The following KRTAP10-7 variants were observed in gnomAD, a reference collection of about 807,000 sequenced individuals.
KRTAP10-7 encodes the protein keratin-associated protein 10-7.
For synonymous variants in KRTAP10-7, 162 were observed against 199.6 expected, an observed-to-expected ratio of 0.81 and a Z score of 1.59; for missense variants, 394 against 474.3, an observed-to-expected ratio of 0.83 and a Z score of 1.57.
rs781875068 is a variant in KRTAP10-7 at position 44,601,362 on chromosome 21, C to T, written c.741C>T (p.Ser247=). 126 of 1,612,024 alleles carry T rather than the reference C, an allele frequency of 7.8e-5. No homozygotes were observed. The East Asian group carries it at 2.4e-3, about 30-fold the overall frequency. ...GTGTGCCCACCTGCTCTGATGATTC[C>T]GGTTCATGCTGCCAGCCAGCTTGCT... is the stretch of plus-strand genomic sequence containing the variant. ...VCCVPTCSDD[S]GSCCQPACCT... is the part of the protein sequence containing the mutation. The change falls in exon 1 of 1, where the codon TCC becomes TCT. Residue 247 remains serine, a synonymous_variant. Coordinates refer to ENST00000609664, the MANE Select transcript of KRTAP10-7 (RefSeq NM_198689.3).
rs1980955224 is a variant in KRTAP10-7 at position 44,601,854 on chromosome 21, A to T, written c.*120A>T. ...AGCCCTGCAGTGGACGTCAGTGGTC[A>T]GCTGGCCATCCAGTGTGCGCTTCTC... is the stretch of plus-strand genomic sequence containing the variant. On this transcript the variant is annotated 3_prime_UTR_variant, in exon 1 of 1. Coordinates refer to ENST00000609664, the MANE Select transcript of KRTAP10-7 (RefSeq NM_198689.3). 1 of 1,374,502 alleles carries T rather than the reference A, an allele frequency of 7.3e-7. No homozygotes were observed. Among genetic ancestry groups the T allele is most frequent in the African/African-American group, 1.5e-5 (1 of 68,484 alleles). 85.1% of individuals were successfully genotyped at this position (1,374,502 alleles called of 1,614,324 possible). A position where few individuals can be genotyped will look rare whatever the true frequency, so the allele number is the denominator to read the frequency against.
At chr21:44,601,408 C>T in the KRTAP10-7 span, 2 of 1,612,684 alleles carry the variant, frequency 1.2e-6, no homozygotes, top group Non-Finnish European at 1.7e-6. Context: ...CCAAAGCCAG[C>T]AGGGCTGCTG....
In KRTAP10-7 at chr21:44,601,457, T is replaced by A. The variant is rs1189195171; in HGVS notation, c.836T>A (p.Val279Asp). The A allele has an allele frequency of 3.1e-6, 5 of 1,610,376 alleles. No individual in the cohort carries two copies. The highest frequency in any genetic ancestry group is 4.2e-6 in the Non-Finnish European group (5 of 1,178,808). The change falls in exon 1 of 1, where the codon GTC (valine) becomes GAC (aspartate). Residue 279 changes from valine (V) to aspartate (D), a missense_variant. Val to Asp is a radical substitution (Grantham distance 152). Transcript: ENST00000609664. The part of the protein sequence containing the change: ...VCCKPVCCVP[V>D]CSGASTSCCQ... ...TGTAAGCCTGTGTGCTGTGTGCCCG[T>A]CTGCTCTGGGGCTTCCACTTCATGC... is the stretch of plus-strand genomic sequence containing the variant.
Position 44,601,371 on chromosome 21 carries a change from C to T in KRTAP10-7, c.750C>T (p.Cys250=). 6.2e-7 allele frequency: 1 copy of T among 1,613,622 alleles called. No individual in the cohort carries two copies. The highest frequency in any genetic ancestry group is 2.2e-5 in the East Asian group (1 of 44,834). ...CCTGCTCTGATGATTCCGGTTCATG[C>T]TGCCAGCCAGCTTGCTGCACCTCCT... ...VPTCSDDSGS[C]CQPACCTSSQ... The change falls in exon 1 of 1, where the codon TGC becomes TGT. Residue 250 remains cysteine (C), a synonymous_variant. Transcript: ENST00000609664.
rs1980959067 is a variant in KRTAP10-7, at chr21:44,601,900, G to A, written c.*166G>A. The A allele has an allele frequency of 4.0e-6, 4 of 994,930 alleles. No homozygotes were observed. The highest frequency in any genetic ancestry group is 5.8e-5 in the Admixed American group (2 of 34,332). The allele number at this position is 994,930 out of a possible 1,614,324, so 61.6% of individuals were successfully genotyped here. A position where few individuals can be genotyped will look rare whatever the true frequency, so the allele number is the denominator to read the frequency against. On this transcript the variant is annotated 3_prime_UTR_variant, in exon 1 of 1. Transcript: ENST00000609664. ...TTCTCCTCCTAGAAGCAGCTCAGCT[G>A]TTTCTCCAAGTCTTGACTTTCCCCC...
At position 44,601,841 on chromosome 21, in the gene KRTAP10-7, G is replaced by C. The variant is rs1980952840; in HGVS notation, c.*107G>C. ...CATCCCGCTCCTAAGCCCTGCAGTG[G>C]ACGTCAGTGGTCAGCTGGCCATCCA... On this transcript the variant is annotated 3_prime_UTR_variant, in exon 1 of 1. Transcript: ENST00000609664. 6.9e-7 allele frequency: 1 copy of C among 1,441,562 alleles called. No homozygotes were observed. Among genetic ancestry groups the C allele is most frequent in the African/African-American group, 1.4e-5 (1 of 70,152 alleles). The allele number at this position is 1,441,562 out of a possible 1,614,324, so 89.3% of individuals were successfully genotyped here. A position where few individuals can be genotyped will look rare whatever the true frequency, so the allele number is the denominator to read the frequency against.
rs512214 is a variant in KRTAP10-7 at position 44,600,642 on chromosome 21, T to C, written c.21T>C (p.Ser7=). The C allele has an allele frequency of 3.0e-3, 4,827 of 1,612,616 alleles. 122 individuals carry two copies. The African/African-American group carries it at 0.056, about 19-fold the overall frequency. The part of the protein sequence containing the change: MAASTM[S]VCSSDLSYGS... ...CCAGCATGGCTGCGTCCACTATGTC[T>C]GTCTGCTCCAGCGACCTGAGCTACG... Residue 7 remains serine (S), a synonymous_variant, in exon 1 of 1, where the codon TCT becomes TCC. Coordinates refer to ENST00000609664, the MANE Select transcript of KRTAP10-7 (RefSeq NM_198689.3).
Position 44,600,726 on chromosome 21 carries a change from C to G in KRTAP10-7, c.105C>G (p.Asp35Glu), listed in dbSNP as rs373342166. 3.7e-6 allele frequency: 6 copies of G among 1,612,610 alleles called. No individual in the cohort carries two copies. The East Asian group carries it at 1.3e-4, about 36-fold the overall frequency. Residue 35 changes from aspartate to glutamate, a missense_variant, in exon 1 of 1, where the codon GAC (aspartate) becomes GAG (glutamate). Asp to Glu is a conservative substitution (Grantham distance 45). Coordinates refer to ENST00000609664, the MANE Select transcript of KRTAP10-7 (RefSeq NM_198689.3). The stretch of plus-strand genomic sequence containing the variant: ...CTTGCTCCGACTCCTGGCAGGTGGA[C>G]GACTGCCCAGAGAGCTGCTGCGAGC... ...CDSCSDSWQVDDCPESCCEPP... is the reference protein window; with the variant it reads ...CDSCSDSWQVEDCPESCCEPP...
Position 44,600,827 on chromosome 21 carries a change from G to T in KRTAP10-7, c.206G>T (p.Arg69Leu). The T allele has an allele frequency of 6.7e-7, 1 of 1,493,242 alleles. No individual in the cohort carries two copies. The allele number at this position is 1,493,242 out of a possible 1,614,324, so 92.5% of individuals were successfully genotyped here. The change falls in exon 1 of 1, where the codon CGA becomes CTA. Residue 69 changes from arginine (R) to leucine (L), a missense_variant. Arg to Leu is a moderately radical substitution (Grantham distance 102). Coordinates refer to ENST00000609664, the MANE Select transcript of KRTAP10-7 (RefSeq NM_198689.3). ...AGCTATGTGTCCAGCCCCTGCTGCC[G>T]AGTGACCTGTGAGCCCAGCCCCTGC... ...PVSYVSSPCC[R>L]VTCEPSPCQS...
rs782321681 is a variant in KRTAP10-7, at chr21:44,601,691, C to G, written c.1070C>G (p.Pro357Arg). 3.1e-6 allele frequency: 5 copies of G among 1,612,254 alleles called. No homozygotes were observed. The highest frequency in any genetic ancestry group is 4.2e-6 in the Non-Finnish European group (5 of 1,178,906). Residue 357 changes from proline (P) to arginine (R), a missense_variant, in exon 1 of 1, where the codon CCG becomes CGG. Physicochemically the swap from Pro to Arg is moderately radical, Grantham distance 103 (BLOSUM62 -2). Transcript: ENST00000609664. ...SLLCRPACSR[P>R]ACCGPTSTQK... Reference sequence around the variant, plus strand: ...CTTTGCCGCCCCGCATGCTCCCGCCCGGCCTGCTGTGGCCCCACCTCAACC... The same window carrying G: ...CTTTGCCGCCCCGCATGCTCCCGCCGGGCCTGCTGTGGCCCCACCTCAACC...
In KRTAP10-7 at chr21:44,601,725, C is replaced by G; in HGVS notation, c.1104C>G (p.Ser368=). 1 of 1,610,648 alleles carries G rather than the reference C, an allele frequency of 6.2e-7. No individual in the cohort carries two copies. Among genetic ancestry groups the G allele is most frequent in the Non-Finnish European group, 8.5e-7 (1 of 1,177,934 alleles). ...GTGGCCCCACCTCAACCCAGAAGTC[C>G]AGCTGCTGAGTGATCTCCTTAAGAT... ...ACCGPTSTQK[S]SC The change falls in exon 1 of 1, where the codon TCC becomes TCG. Residue 368 remains serine, a synonymous_variant. Coordinates refer to ENST00000609664, the MANE Select transcript of KRTAP10-7 (RefSeq NM_198689.3).
chr21:44,601,908 A>G lies in KRTAP10-7; in HGVS notation c.*174A>G. 1 of 954,036 alleles carries G rather than the reference A, an allele frequency of 1.0e-6. No homozygotes were observed. Among genetic ancestry groups the G allele is most frequent in the South Asian group, 1.8e-5 (1 of 55,680 alleles). The allele number at this position is 954,036 out of a possible 1,614,324, so 59.1% of individuals were successfully genotyped here. ...CTAGAAGCAGCTCAGCTGTTTCTCC[A>G]AGTCTTGACTTTCCCCCAATTACCC... On this transcript the variant is annotated 3_prime_UTR_variant, in exon 1 of 1. Coordinates refer to ENST00000609664, the MANE Select transcript of KRTAP10-7 (RefSeq NM_198689.3).
In KRTAP10-7 at chr21:44,601,016, A is replaced by T. The variant is rs781813292; in HGVS notation, c.395A>T (p.Asp132Val). Residue 132 changes from aspartate to valine, a missense_variant, in exon 1 of 1, where the codon GAT (aspartate) becomes GTT (valine). Coordinates refer to ENST00000609664, the MANE Select transcript of KRTAP10-7 (RefSeq NM_198689.3). ...TACTGTGTGCCTGTCTGCAGTGGGGATTCTTCATGCTGCCAGCAGTCTAGC... is the reference window on the plus strand; with the variant it reads ...TACTGTGTGCCTGTCTGCAGTGGGGTTTCTTCATGCTGCCAGCAGTCTAGC... ...PVYCVPVCSGDSSCCQQSSCQ... is the reference protein window; with the variant it reads ...PVYCVPVCSGVSSCCQQSSCQ... 3.1e-6 allele frequency: 5 copies of T among 1,605,386 alleles called. No homozygotes were observed. The highest frequency in any genetic ancestry group is 2.2e-5 in the South Asian group (2 of 90,710).
chr21:44,601,967 C>A lies in KRTAP10-7; in HGVS notation c.*233C>A. 1 of 657,418 alleles carries A rather than the reference C, an allele frequency of 1.5e-6. No individual in the cohort carries two copies. The highest frequency in any genetic ancestry group is 2.1e-5 in the South Asian group (1 of 48,524). 40.7% of individuals were successfully genotyped at this position (657,418 alleles called of 1,614,324 possible). ...TTCCCCAGCAACAGGTGGGCAGTGA[C>A]CCCAGCAAGGCCAGCGGGTGCTCCC... On this transcript the variant is annotated 3_prime_UTR_variant, in exon 1 of 1. Coordinates refer to ENST00000609664, the MANE Select transcript of KRTAP10-7 (RefSeq NM_198689.3).
Position 44,601,772 on chromosome 21 carries a change from C to T in KRTAP10-7, c.*38C>T, listed in dbSNP as rs1555928919. The T allele has an allele frequency of 6.3e-7, 1 of 1,581,028 alleles. No individual in the cohort carries two copies. Among genetic ancestry groups the T allele is most frequent in the South Asian group, 1.2e-5 (1 of 85,066 alleles). On this transcript the variant is annotated 3_prime_UTR_variant, in exon 1 of 1. Coordinates refer to ENST00000609664, the MANE Select transcript of KRTAP10-7 (RefSeq NM_198689.3). ...AGATCATCCAAAGCCTGAGTGCTCA[C>T]TGCCACCTGCACCCCTGGATTCTTT...
rs782421768 is a variant in KRTAP10-7, at chr21:44,601,441, G to A, written c.820G>A (p.Val274Met). 7.3e-5 allele frequency: 118 copies of A among 1,611,046 alleles called. 1 individual carries two copies. The East Asian group carries it at 2.6e-3, about 36-fold the overall frequency. Residue 274 changes from valine to methionine, a missense_variant, in exon 1 of 1, where the codon GTG (valine) becomes ATG (methionine). Transcript: ENST00000609664. ...CTGCGTGCCCGTCTGCTGTAAGCCT[G>A]TGTGCTGTGTGCCCGTCTGCTCTGG... ...GCCVPVCCKP[V>M]CCVPVCSGAS... is the part of the protein sequence containing the mutation.
chr21:44,601,903 T>G lies in KRTAP10-7; in HGVS notation c.*169T>G. The G allele has an allele frequency of 1.0e-6, 1 of 996,238 alleles. No homozygotes were observed. The highest frequency in any genetic ancestry group is 1.5e-6 in the Non-Finnish European group (1 of 686,764). The allele number at this position is 996,238 out of a possible 1,614,324, so 61.7% of individuals were successfully genotyped here. ...TCCTCCTAGAAGCAGCTCAGCTGTT[T>G]CTCCAAGTCTTGACTTTCCCCCAAT... On this transcript the variant is annotated 3_prime_UTR_variant, in exon 1 of 1. Transcript: ENST00000609664.
Position 44,601,609 on chromosome 21 carries a change from G to A in KRTAP10-7, c.988G>A (p.Ala330Thr), listed in dbSNP as rs369025844. ...CTGCGTGCCCGTCCCCTCCTGCTGC[G>A]CCCCCACCTCCTCCTGCCAGGCCAG... ...ACCVPVPSCC[A>T]PTSSCQASCC... The change falls in exon 1 of 1, where the codon GCC (alanine) becomes ACC (threonine). Residue 330 changes from alanine to threonine, a missense_variant. Ala to Thr is a moderately conservative substitution (Grantham distance 58). Coordinates refer to ENST00000609664, the MANE Select transcript of KRTAP10-7 (RefSeq NM_198689.3). 2.4e-5 allele frequency: 38 copies of A among 1,613,254 alleles called. No homozygotes were observed. In the Admixed American group the frequency reaches 3.0e-4, roughly 13 times the overall value.
chr21:44,601,281 C>T lies in KRTAP10-7; in HGVS notation c.660C>T (p.Thr220=), dbSNP rs781902497. 1.5e-5 allele frequency: 24 copies of T among 1,609,172 alleles called. No individual in the cohort carries two copies. The South Asian group carries it at 2.3e-4, about 16-fold the overall frequency. ...CTAGCTGCAAGCCGGCTTGCTGCAC[C>T]TCCTCCCCTTGCCAGCAGGCCTGCT... is the stretch of plus-strand genomic sequence containing the variant. ...QQSSCKPACC[T]SSPCQQACCV... Residue 220 remains threonine (T), a synonymous_variant, in exon 1 of 1, where the codon ACC becomes ACT. Transcript: ENST00000609664.
Sources: allele counts gnomAD v4.1 joint callset, GRCh38; gene constraint gnomAD v4.1.1; transcripts MANE v1.5; gene names NCBI Gene and HGNC (gene_info 2026-07-23, HGNC 2026-07-21).